BLTP3B: variants seen among roughly 807,000 people sequenced by gnomAD.
BLTP3B encodes the protein bridge-like lipid transfer protein family member 3B.
chr12:100,133,807 C>T, the BLTP3B span, among the ~76,000 whole-genome samples: 1 of 152,144 alleles, frequency 6.6e-6, no homozygotes, highest in Non-Finnish European at 1.5e-5. Flanking sequence ...ATACAGTAGT[C>T]CTCCCTTACC....
chr12:100,130,817 G>C, the BLTP3B span, among the ~76,000 whole-genome samples: 1,708 of 152,158 alleles, frequency 0.011, 38 homozygotes, highest in African/African-American at 0.039. Flanking sequence ...CCAGCTACTT[G>C]AGAGGCTGAG....
chr12:100,072,574 GTTTTA>G, the BLTP3B span: 2 of 1,063,588 alleles, frequency 1.9e-6, no homozygotes, highest in African/African-American at 3.3e-5. Flanking sequence ...GAACAATACA[GTTTTA>G]TTTATTTTTC....
the BLTP3B span, among the ~76,000 whole-genome samples, chr12:100,121,783 C>T: frequency 6.6e-6 from 1 of 150,812 alleles, no homozygotes; most frequent in East Asian, 2.0e-4. Flanking sequence ...GAGCTGAGAT[C>T]GTGCCACTGC....
chr12:100,118,058 G>C, the BLTP3B span, among the ~76,000 whole-genome samples: 1 of 151,742 alleles, frequency 6.6e-6, no homozygotes, highest in Non-Finnish European at 1.5e-5. Flanking sequence ...AGTTGAAATT[G>C]GCATTTCTCT....
chr12:100,138,636 A>AC, the BLTP3B span, among the ~76,000 whole-genome samples: 1 of 152,238 alleles, frequency 6.6e-6, no homozygotes. Flanking sequence ...TTTAAACTAT[A>AC]CGATGACTCC....
chr12:100,081,425 T>C, the BLTP3B span, among the ~76,000 whole-genome samples: 1 of 152,158 alleles, frequency 6.6e-6, no homozygotes, highest in East Asian at 1.9e-4. Flanking sequence ...CTTCCAACTT[T>C]TGCTTTAGTT....
chr12:100,110,681 A>T, the BLTP3B span, among the ~76,000 whole-genome samples: 1 of 152,078 alleles, frequency 6.6e-6, no homozygotes, highest in Non-Finnish European at 1.5e-5. Context: ...TTGAGCTGGT[A>T]TCTAAAGGAA....
chr12:100,088,312 G>T, the BLTP3B span, among the ~76,000 whole-genome samples: 79 of 152,104 alleles, frequency 5.2e-4, no homozygotes, highest in African/African-American at 1.8e-3. Flanking sequence ...ATGCTCTCCA[G>T]CAGAGAAACA....
At chr12:100,077,257 T>C in the BLTP3B span, among the ~76,000 whole-genome samples, 12 of 152,192 alleles carry the variant, frequency 7.9e-5, no homozygotes, top group African/African-American at 2.9e-4. Context: ...ACTGCTACGG[T>C]ATTCAATACA....
At chr12:100,125,290 G>A in the BLTP3B span, among the ~76,000 whole-genome samples, 3 of 138,748 alleles carry the variant, frequency 2.2e-5, no homozygotes, top group African/African-American at 5.6e-5. Flanking sequence ...CCAAGATTGC[G>A]CCACTGCACT....
At chr12:100,052,901 C>A in the BLTP3B span, among the ~76,000 whole-genome samples, 4 of 148,720 alleles carry the variant, frequency 2.7e-5, no homozygotes, top group Admixed American at 2.7e-4. Context: ...TCAAGCGATT[C>A]TCCTGCCTCA....
At chr12:100,099,682 G>C in the BLTP3B span, among the ~76,000 whole-genome samples, 1 of 151,514 alleles carries the variant, frequency 6.6e-6, no homozygotes, top group Non-Finnish European at 1.5e-5. Context: ...AGGAGGCAGA[G>C]GTTGCAGTGA....
the BLTP3B span, chr12:100,088,819 T>C: frequency 1.4e-5 from 14 of 990,892 alleles, no homozygotes; most frequent in South Asian, 3.0e-4. Flanking sequence ...CAAATTATCT[T>C]ACAGGACATC....
chr12:100,078,147 C>A, the BLTP3B span, among the ~76,000 whole-genome samples: 1 of 152,090 alleles, frequency 6.6e-6, no homozygotes, highest in Admixed American at 6.6e-5. Flanking sequence ...GTGTTTGAGT[C>A]ATGGGGGCAG....
At chr12:100,140,721 A>ATAT in the BLTP3B span, among the ~76,000 whole-genome samples, 15 of 108,280 alleles carry the variant, frequency 1.4e-4, no homozygotes, top group South Asian at 1.5e-3. Flanking sequence ...AAAAAAAAAA[A>ATAT]AAAAAAAAAT....
At chr12:100,065,103 T>C in the BLTP3B span, among the ~76,000 whole-genome samples, 1 of 152,152 alleles carries the variant, frequency 6.6e-6, no homozygotes, top group African/African-American at 2.4e-5. Context: ...GGAGTATAAA[T>C]TGTGAAGATT....
the BLTP3B span, chr12:100,048,210 A>T: frequency 1.9e-6 from 3 of 1,565,408 alleles, no homozygotes; most frequent in Non-Finnish European, 2.6e-6. Context: ...AGGAAAATGA[A>T]CATACAAAAA....
chr12:100,098,931 TAGAC>T, the BLTP3B span, among the ~76,000 whole-genome samples: 107 of 151,598 alleles, frequency 7.1e-4, no homozygotes, highest in South Asian at 0.011. Flanking sequence ...GATAGATAGA[TAGAC>T]AGACAGACAC....
the BLTP3B span, chr12:100,047,663 A>T: frequency 1.4e-6 from 2 of 1,452,966 alleles, no homozygotes; most frequent in Non-Finnish European, 1.9e-6. Flanking sequence ...AATAACATTG[A>T]CATGTTACTT....
Sources: allele counts gnomAD v4.1 joint callset (sites outside exome capture counted in the v4.1 genomes callset), GRCh38; gene constraint gnomAD v4.1.1; transcripts MANE v1.5; gene names NCBI Gene and HGNC (gene_info 2026-07-23, HGNC 2026-07-21).